AMMECR1L: variants seen among roughly 807,000 people sequenced by gnomAD.
The protein encoded by AMMECR1L is AMMECR1-like protein.
In AMMECR1L, 4 loss-of-function variants were observed where a neutral mutation model predicts 36.8. The ratio of observed to expected loss-of-function variants is 0.11; its 90% CI spans 0.05 to 0.25. The LOEUF (loss-of-function observed/expected upper bound fraction) is 0.25, where lower values mean the gene tolerates loss of function less well. Ranked by LOEUF, AMMECR1L falls within the 10% of genes least tolerant of loss-of-function variation. The pLI, the probability that AMMECR1L is intolerant of heterozygous loss-of-function variation, is 1.00. For missense variants in AMMECR1L, 232 were observed against 392.1 expected, an observed-to-expected ratio of 0.59 and a Z score of 3.45; for synonymous variants, 147 against 148.0, an observed-to-expected ratio of 0.99 and a Z score of 0.05.
Position 127,874,053 on chromosome 2 carries a change from C to T in AMMECR1L, c.182G>A (p.Arg61Gln), listed in dbSNP as rs150845379. The change falls in exon 3 of 8, where the codon CGG becomes CAG. Residue 61 changes from arginine (R) to glutamine (Q), a missense_variant. Around this residue, in one of 3 missense-constraint regions of AMMECR1L, gnomAD observed 109 missense variants for 128.1 expected, o/e 0.85. Transcript: ENST00000272647. The surrounding 1 kb of genome is among the most constrained non-coding windows in gnomAD (Gnocchi z 5.2). ...CAGAGTTAAGTCTGACACATTCTCC[C>T]GTCCACTGCTGCTGTCCACATGCTG... ...NHQHVDSSSGRENVSDLTLGP... is the reference protein window; with the variant it reads ...NHQHVDSSSGQENVSDLTLGP... 1.2e-4 allele frequency: 193 copies of T among 1,614,204 alleles called. No homozygotes were observed. The South Asian group carries it at 1.8e-3, about 15-fold the overall frequency.
chr2:127,885,780 G>A (rs1427745316), intron 1 of AMMECR1L, 30 bp downstream of exon 1: 1 of 984,648 alleles, frequency 1.0e-6, no homozygotes, highest in Non-Finnish European at 1.2e-6. Context: ...GCAGCGGGGA[G>A]AAGGGTGCGG....
intron 2 of AMMECR1L, among the ~76,000 whole-genome samples, chr2:127,875,060 CAGAT>C (rs1399773199): frequency 1.3e-5 from 2 of 152,180 alleles, no homozygotes; most frequent in African/African-American, 4.8e-5. Context: ...GCCAGCCAGA[CAGAT>C]ACAAAGCCAC....
chr2:127,862,853 G>A lies in AMMECR1L; in HGVS notation c.*2241C>T, dbSNP rs1325535977. 3.3e-5 allele frequency: 5 copies of A among 151,178 alleles called. No individual in the cohort carries two copies. The highest frequency in any genetic ancestry group is 4.9e-5 in the African/African-American group (2 of 40,938). 9.4% of individuals were successfully genotyped at this position (151,178 alleles called of 1,614,324 possible). A position where few individuals can be genotyped will look rare whatever the true frequency, so the allele number is the denominator to read the frequency against. On this transcript the variant is annotated 3_prime_UTR_variant, in exon 8 of 8. Coordinates refer to ENST00000272647, the MANE Select transcript of AMMECR1L (RefSeq NM_001199140.2). ...TTCATTTTCTTAAATGGCAGGTATCGTACCCCCCCTCGATAAAATAAAATA... is the reference window on the plus strand; with the variant it reads ...TTCATTTTCTTAAATGGCAGGTATCATACCCCCCCTCGATAAAATAAAATA...
chr2:127,874,513 G>A lies in AMMECR1L; in HGVS notation c.-38-241C>T, dbSNP rs577732956. On this transcript the variant is annotated intron_variant, in intron 2 of 7. Coordinates refer to ENST00000272647, the MANE Select transcript of AMMECR1L (RefSeq NM_001199140.2). The surrounding 1 kb of genome is among the most constrained non-coding windows in gnomAD (Gnocchi z 5.2). ...GGAGGCAGGCACCAAGCAGCTCCCT[G>A]TTCCCCAAGAGTCCCCAGGGCAGAA... 1.0e-3 allele frequency among the ~76,000 whole-genome samples: 153 copies of A among 152,290 alleles called. 1 individual carries two copies. The highest frequency in any genetic ancestry group is 3.2e-3 in the African/African-American group (133 of 41,568).
Position 127,867,052 on chromosome 2 carries a change from T to G in AMMECR1L, c.725-56A>C, listed in dbSNP as rs1690718008. 4 of 1,610,080 alleles carry G rather than the reference T, an allele frequency of 2.5e-6. No homozygotes were observed. In the Admixed American group the frequency reaches 6.7e-5, roughly 27 times the overall value. ...ATGCACATGCAAGAGTAAGGCATGC[T>G]CTCACATGGCCCGTGCAAGAAGAGA... On this transcript the variant is annotated intron_variant, in intron 6 of 7. Transcript: ENST00000272647.
Position 127,862,410 on chromosome 2 carries a change from G to C in AMMECR1L, c.*2684C>G, listed in dbSNP as rs994144439. ...CTGCTTTGGTCAAGCGTGCAGAGAAGGCAGTTCAGTTCCAGTTCGGAGCTA... is the reference window on the plus strand; with the variant it reads ...CTGCTTTGGTCAAGCGTGCAGAGAACGCAGTTCAGTTCCAGTTCGGAGCTA... On this transcript the variant is annotated 3_prime_UTR_variant, in exon 8 of 8. Transcript: ENST00000272647. 4.6e-5 allele frequency: 7 copies of C among 153,798 alleles called. No homozygotes were observed. The allele number at this position is 153,798 out of a possible 1,614,324, so 9.5% of individuals were successfully genotyped here. A position where few individuals can be genotyped will look rare whatever the true frequency, so the allele number is the denominator to read the frequency against.
intron 2 of AMMECR1L, among the ~76,000 whole-genome samples, chr2:127,883,955 T>C (rs1691637319): frequency 6.6e-6 from 1 of 152,056 alleles, no homozygotes; most frequent in South Asian, 2.1e-4. Context: ...ACTAGAAATA[T>C]AAAGGAAAGA....
At position 127,884,300 on chromosome 2, in the gene AMMECR1L, C is replaced by T. The variant is rs1321127115; in HGVS notation, c.-136G>A. 6.6e-6 allele frequency: 1 copy of T among 151,870 alleles called. No homozygotes were observed. The highest frequency in any genetic ancestry group is 1.5e-5 in the Non-Finnish European group (1 of 68,038). 9.4% of individuals were successfully genotyped at this position (151,870 alleles called of 1,614,324 possible). A position where few individuals can be genotyped will look rare whatever the true frequency, so the allele number is the denominator to read the frequency against. On this transcript the variant is annotated 5_prime_UTR_variant, in exon 2 of 8. Transcript: ENST00000272647. ...AATTTTCTTCCTTCCGATTCCATTCCTTCTTCCTGTACCTAAGACGGAAAT... is the reference window on the plus strand; with the variant it reads ...AATTTTCTTCCTTCCGATTCCATTCTTTCTTCCTGTACCTAAGACGGAAAT...
Position 127,873,387 on chromosome 2 carries a change from G to A in AMMECR1L, c.407+441C>T. 2 of 985,444 alleles carry A rather than the reference G, an allele frequency of 2.0e-6. No homozygotes were observed. Among genetic ancestry groups the A allele is most frequent in the Non-Finnish European group, 2.4e-6 (2 of 829,932 alleles). 61.0% of individuals were successfully genotyped at this position (985,444 alleles called of 1,614,324 possible). On this transcript the variant is annotated intron_variant, in intron 3 of 7. Coordinates refer to ENST00000272647, the MANE Select transcript of AMMECR1L (RefSeq NM_001199140.2). This position sits in a 1 kb window ranked among gnomAD's most constrained non-coding sequence, Gnocchi z 5.2. ...AAGGGATTTCTCATGAACAAAGTGA[G>A]GGGACCCCTGTTAACCAAATCGCAG...
In AMMECR1L at chr2:127,865,169, C is replaced by A. The variant is rs761149339; in HGVS notation, c.858G>T (p.Glu286Asp). 5.0e-5 allele frequency: 80 copies of A among 1,613,598 alleles called. No individual in the cohort carries two copies. The highest frequency in any genetic ancestry group is 6.4e-5 in the Non-Finnish European group (75 of 1,179,844). ...RSEKVTISYA[E>D]YIASRQHCFQ... ...AACAGTGCTGTCGGGAAGCAATATACTCTGCGTAACTGATTGTCACCTTCT... is the reference window on the plus strand; with the variant it reads ...AACAGTGCTGTCGGGAAGCAATATAATCTGCGTAACTGATTGTCACCTTCT... The change falls in exon 8 of 8, where the codon GAG becomes GAT. Residue 286 changes from glutamate (E) to aspartate (D), a missense_variant. This residue lies in a region of AMMECR1L where 40 missense variants were observed against 34.5 expected (regional missense o/e 1.16). Coordinates refer to ENST00000272647, the MANE Select transcript of AMMECR1L (RefSeq NM_001199140.2). This position sits in a 1 kb window ranked among gnomAD's most constrained non-coding sequence, Gnocchi z 5.4.
intron 1 of AMMECR1L, 87 bp from the exon 2 acceptor site, chr2:127,884,399 C>T (rs1436935258): frequency 7.3e-6 from 1 of 136,914 alleles, no homozygotes; most frequent in East Asian, 2.1e-4. Context: ...CACAACTCGA[C>T]AGAGCAATTT....
In AMMECR1L at chr2:127,870,832, A is replaced by G; in HGVS notation, c.615T>C (p.Ser205=). 2 of 1,612,542 alleles carry G rather than the reference A, an allele frequency of 1.2e-6. No individual in the cohort carries two copies. The highest frequency in any genetic ancestry group is 1.7e-6 in the Non-Finnish European group (2 of 1,179,518). ...TTCTCACCTCCCAGTCCAGGTAATC[A>G]CTGGCATCCTCAAAGTTAGTAAGGA... ...VSLLTNFEDA[S]DYLDWEVGVH... is the part of the protein sequence containing the mutation. The change falls in exon 5 of 8, where the codon AGT becomes AGC. Residue 205 remains serine (S), a synonymous_variant. Transcript: ENST00000272647.
At position 127,865,748 on chromosome 2, in the gene AMMECR1L, C is replaced by T. The variant is rs1690660323; in HGVS notation, c.822-543G>A. On this transcript the variant is annotated intron_variant, in intron 7 of 7. Transcript: ENST00000272647. This position sits in a 1 kb window ranked among gnomAD's most constrained non-coding sequence, Gnocchi z 5.4. Reference sequence around the variant, plus strand: ...CCTTGGGGCTATATAGGTCTCACTCCCCAGATGAATATGCCATATCACAGG... The same window carrying T: ...CCTTGGGGCTATATAGGTCTCACTCTCCAGATGAATATGCCATATCACAGG... Among the ~76,000 whole-genome samples, 1 of 152,222 alleles carries T rather than the reference C, an allele frequency of 6.6e-6. No individual in the cohort carries two copies. Among genetic ancestry groups the T allele is most frequent in the Non-Finnish European group, 1.5e-5 (1 of 68,048 alleles).
At chr2:127,885,295 A>C in intron 1 of AMMECR1L, 3 of 984,090 alleles carry the variant, frequency 3.0e-6, no homozygotes, top group Non-Finnish European at 3.6e-6. Context: ...AAAGGTGAGA[A>C]ACGAGGGTAT....
In AMMECR1L at chr2:127,885,798, CGA is replaced by C; in HGVS notation, c.-149+10_-149+11del. On this transcript the variant is annotated intron_variant, in intron 1 of 7. Coordinates refer to ENST00000272647, the MANE Select transcript of AMMECR1L (RefSeq NM_001199140.2). ...GCGGGGAGAAGGGTGCGGCGCAGCCCGAGTTTCCCACCTTTTCTCCTGGCCCA... is the reference window on the plus strand; with the variant it reads ...GCGGGGAGAAGGGTGCGGCGCAGCCCGTTTCCCACCTTTTCTCCTGGCCCA... The C allele has an allele frequency of 2.0e-6, 2 of 984,892 alleles. No homozygotes were observed. The highest frequency in any genetic ancestry group is 4.7e-5 in the South Asian group (1 of 21,340). The allele number at this position is 984,892 out of a possible 1,614,324, so 61.0% of individuals were successfully genotyped here.
In AMMECR1L at chr2:127,865,051, A is replaced by C; in HGVS notation, c.*43T>G. 7.1e-5 allele frequency: 94 copies of C among 1,317,066 alleles called. No homozygotes were observed. The highest frequency in any genetic ancestry group is 9.5e-5 in the Non-Finnish European group (87 of 917,222). 81.6% of individuals were successfully genotyped at this position (1,317,066 alleles called of 1,614,324 possible). On this transcript the variant is annotated 3_prime_UTR_variant, in exon 8 of 8. Coordinates refer to ENST00000272647, the MANE Select transcript of AMMECR1L (RefSeq NM_001199140.2). The surrounding 1 kb of genome is among the most constrained non-coding windows in gnomAD (Gnocchi z 5.4). ...CATCTGCTCCAATGATGTCATAGCC[A>C]TTGGTGGCCACGGGGGGGTGGGACT...
Position 127,874,148 on chromosome 2 carries a change from A to G in AMMECR1L, c.87T>C (p.Ser29=), listed in dbSNP as rs899305198. ...ACTGATTCCCGTGACTGTGCGTTCCACTTCCAGATAATTTGGGCTTCTTGA... is the reference window on the plus strand; with the variant it reads ...ACTGATTCCCGTGACTGTGCGTTCCGCTTCCAGATAATTTGGGCTTCTTGA... ...CGVKKPKLSG[S]GTHSHGNQST... Residue 29 remains serine (S), a synonymous_variant, in exon 3 of 8, where the codon AGT becomes AGC. Transcript: ENST00000272647. The surrounding 1 kb of genome is among the most constrained non-coding windows in gnomAD (Gnocchi z 5.2). 1 of 1,614,000 alleles carries G rather than the reference A, an allele frequency of 6.2e-7. No individual in the cohort carries two copies. The highest frequency in any genetic ancestry group is 1.3e-5 in the African/African-American group (1 of 74,894).
At chr2:127,880,116 A>C (rs1691426022) in intron 2 of AMMECR1L, among the ~76,000 whole-genome samples, 2 of 152,242 alleles carry the variant, frequency 1.3e-5, no homozygotes, top group African/African-American at 4.8e-5. Context: ...CTGCCTGGGC[A>C]ACACAGTAAG....
In AMMECR1L at chr2:127,867,349, G is replaced by T. The variant is rs571387190; in HGVS notation, c.725-353C>A. The T allele has an allele frequency of 7.2e-6, 7 of 967,886 alleles. No homozygotes were observed. In the African/African-American group the frequency reaches 1.1e-4, roughly 15 times the overall value. 60.0% of individuals were successfully genotyped at this position (967,886 alleles called of 1,614,324 possible). ...GTGCTGGTACCCAAGGCTGCTCTGT[G>T]GGAAGAGAGGAATTTAAATTCTGCA... On this transcript the variant is annotated intron_variant, in intron 6 of 7. Coordinates refer to ENST00000272647, the MANE Select transcript of AMMECR1L (RefSeq NM_001199140.2).
Sources: allele counts gnomAD v4.1 joint callset (sites outside exome capture counted in the v4.1 genomes callset), GRCh38; gene constraint gnomAD v4.1.1; regional missense constraint gnomAD v4.1.1; non-coding constraint Gnocchi (gnomAD v3.1); transcripts MANE v1.5; gene names NCBI Gene and HGNC (gene_info 2026-07-23, HGNC 2026-07-21).